The following DOCK7 variants were observed in gnomAD, a reference collection of about 807,000 sequenced individuals.
The protein encoded by DOCK7 is dedicator of cytokinesis protein 7.
Under a neutral mutation model 271.0 loss-of-function variants are expected in DOCK7, and 138 were observed. That is an observed-to-expected ratio of 0.51 (90% CI 0.44 to 0.59). The LOEUF (loss-of-function observed/expected upper bound fraction) is 0.59. DOCK7 is among the 20% of genes least tolerant of loss of function. DOCK7 has a pLI of 0.00. For synonymous variants in DOCK7, 823 were observed against 876.1 expected, an observed-to-expected ratio of 0.94 and a Z score of 1.07; for missense variants, 2,066 against 2,592.4, an observed-to-expected ratio of 0.80 and a Z score of 4.41.
intron 1 of DOCK7, among the ~76,000 whole-genome samples, chr1:62,671,295 C>A (rs148711913): frequency 6.6e-6 from 1 of 152,168 alleles, no homozygotes; most frequent in African/African-American, 2.4e-5. Context: ...AAAGTGCTTA[C>A]CCAGTGTTTA....
At chr1:62,604,403 T>A (rs1650638097) in intron 14 of DOCK7, 1 of 930,816 alleles carries the variant, frequency 1.1e-6, no homozygotes, top group Admixed American at 2.7e-5. Context: ...TCTAGTTCAA[T>A]CAGGTATTTT....
chr1:62,513,203 A>G (rs907177514), intron 33 of DOCK7, among the ~76,000 whole-genome samples: 4 of 130,480 alleles, frequency 3.1e-5, no homozygotes, highest in Non-Finnish European at 6.3e-5. Flanking sequence ...AAAGTTTTCT[A>G]GAGAGGACTT....
At chr1:62,605,539 A>G (rs1474417706) in intron 14 of DOCK7, 1 of 152,448 alleles carries the variant, frequency 6.6e-6, no homozygotes, top group Non-Finnish European at 1.5e-5. Flanking sequence ...TACATTTTAT[A>G]TATTTTAACA....
intron 7 of DOCK7, among the ~76,000 whole-genome samples, chr1:62,645,463 A>T (rs913255000): frequency 2.6e-5 from 4 of 152,220 alleles, no homozygotes; most frequent in African/African-American, 7.2e-5. Context: ...TTTATAGGAA[A>T]TAATCAGAAT....
intron 29 of DOCK7, among the ~76,000 whole-genome samples, chr1:62,533,765 AC>A (rs1645250797): frequency 6.6e-6 from 1 of 152,246 alleles, no homozygotes; most frequent in Admixed American, 6.5e-5. Flanking sequence ...CCCCTGACAT[AC>A]TGCTAAGAAC....
intron 14 of DOCK7, among the ~76,000 whole-genome samples, chr1:62,592,262 G>A (rs1648559998): frequency 1.3e-5 from 2 of 151,926 alleles, no homozygotes; most frequent in South Asian, 4.2e-4. Context: ...GTAAATTAAT[G>A]AAAAATGTTG....
At chr1:62,619,854 G>T in intron 13 of DOCK7, 46 bp downstream of exon 13, 2 of 1,223,112 alleles carry the variant, frequency 1.6e-6, no homozygotes, top group Non-Finnish European at 2.4e-6. Context: ...CAACATAGTA[G>T]TGATAATAAT....
At chr1:62,530,442 C>T (rs1350391719) in intron 29 of DOCK7, among the ~76,000 whole-genome samples, 1 of 152,142 alleles carries the variant, frequency 6.6e-6, no homozygotes, top group Non-Finnish European at 1.5e-5. Flanking sequence ...TCAAATATGC[C>T]TTTCCTATCT....
chr1:62,478,836 A>T (rs762503671), intron 43 of DOCK7: 3 of 152,192 alleles, frequency 2.0e-5, no homozygotes, highest in Non-Finnish European at 4.4e-5. Flanking sequence ...AATCACCCAA[A>T]CCACCCATTG....
intron 18 of DOCK7, among the ~76,000 whole-genome samples, chr1:62,576,480 T>C (rs887085355): frequency 6.6e-6 from 1 of 152,182 alleles, no homozygotes; most frequent in Non-Finnish European, 1.5e-5. Flanking sequence ...CAGAGAACAG[T>C]GAGAAATAAG....
chr1:62,527,874 T>TAAAA (rs34335688), intron 31 of DOCK7, among the ~76,000 whole-genome samples: 1 of 135,562 alleles, frequency 7.4e-6, no homozygotes, highest in African/African-American at 2.7e-5. Context: ...ACTTAAAGTA[T>TAAAA]AAAAAAAAAA....
chr1:62,471,123 CTTACT>C (rs1645819286), intron 48 of DOCK7, among the ~76,000 whole-genome samples: 1 of 152,138 alleles, frequency 6.6e-6, no homozygotes. Flanking sequence ...TTTTCTCTAG[CTTACT>C]TTATTGTAAG....
chr1:62,522,655 C>T lies in DOCK7; in HGVS notation c.3936+5496G>A, dbSNP rs369662091. 1.2e-4 allele frequency among the ~76,000 whole-genome samples: 19 copies of T among 152,068 alleles called. No individual in the cohort carries two copies. In the East Asian group the frequency reaches 1.9e-3, roughly 15 times the overall value. On this transcript the variant is annotated intron_variant, in intron 31 of 49. Transcript: ENST00000635253. ...CAAACATCACCACTTCTATTCAACA[C>T]TGTACTGGAGGTACTAGCCAGTACA...
chr1:62,457,537 C>G lies in DOCK7; in HGVS notation c.6380+1G>C. ...CTAAAACCACTTAAAAATAAGCATA[C>G]CTGTGGCAGGTGACAGGCAATACTG... On this transcript the variant is annotated splice_donor_variant, in intron 49 of 49. Coordinates refer to ENST00000635253, the MANE Select transcript of DOCK7 (RefSeq NM_001367561.1). LOFTEE classifies it high-confidence loss of function. 1 of 1,612,570 alleles carries G rather than the reference C, an allele frequency of 6.2e-7. No homozygotes were observed. Among genetic ancestry groups the G allele is most frequent in the Non-Finnish European group, 8.5e-7 (1 of 1,179,512 alleles).
intron 10 of DOCK7, among the ~76,000 whole-genome samples, chr1:62,632,705 G>A (rs756729947): frequency 6.6e-6 from 1 of 152,044 alleles, no homozygotes; most frequent in Non-Finnish European, 1.5e-5. Flanking sequence ...GGCTGGGTAT[G>A]GTGGCTCACA....
At chr1:62,649,956 T>C (rs935538436) in intron 4 of DOCK7, among the ~76,000 whole-genome samples, 11 of 152,120 alleles carry the variant, frequency 7.2e-5, no homozygotes, top group Admixed American at 2.6e-4. Context: ...TGATTAATTA[T>C]ATAAAACAGA....
intron 14 of DOCK7, among the ~76,000 whole-genome samples, chr1:62,595,757 A>C (rs964387058): frequency 6.6e-6 from 1 of 152,016 alleles, no homozygotes; most frequent in Non-Finnish European, 1.5e-5. Flanking sequence ...AGTGAAACAC[A>C]GTCTCTACAA....
At chr1:62,678,866 T>C (rs1161233395) in intron 1 of DOCK7, among the ~76,000 whole-genome samples, 1 of 152,130 alleles carries the variant, frequency 6.6e-6, no homozygotes, top group Admixed American at 6.5e-5. Context: ...CAACAGATAA[T>C]TTCAATGTAC....
At chr1:62,654,456 T>A (rs891324839) in intron 2 of DOCK7, among the ~76,000 whole-genome samples, 2 of 152,166 alleles carry the variant, frequency 1.3e-5, no homozygotes, top group African/African-American at 2.4e-5. Flanking sequence ...GTTTACAAAG[T>A]ACTCACTGGA....
Sources: gnomAD v4.1 joint callset for allele counts (sites outside exome capture counted in the v4.1 genomes callset) on GRCh38, gnomAD v4.1.1 for gene constraint, MANE v1.5 for transcripts, NCBI Gene and HGNC (gene_info 2026-07-23, HGNC 2026-07-21) for gene names.